SPTLC2: variants seen among roughly 807,000 people sequenced by gnomAD.
The protein encoded by SPTLC2 is serine palmitoyltransferase 2.
A neutral mutation model predicts 62.0 loss-of-function variants in SPTLC2; 21 were observed. The observed-to-expected ratio is 0.34, with a 90% CI of 0.24 to 0.49. SPTLC2 has a LOEUF of 0.49. SPTLC2 is among the 20% of genes least tolerant of loss of function. SPTLC2 has a pLI of 0.99. For missense variants in SPTLC2, 511 were observed against 713.0 expected, an observed-to-expected ratio of 0.72 and a Z score of 3.23; for synonymous variants, 261 against 261.8, an observed-to-expected ratio of 1.00 and a Z score of 0.03.
At chr14:77,568,600 A>C (rs1475871149) in intron 5 of SPTLC2, among the ~76,000 whole-genome samples, 1 of 152,014 alleles carries the variant, frequency 6.6e-6, no homozygotes, top group Non-Finnish European at 1.5e-5. Flanking sequence ...TGAGGTCAGG[A>C]GATCAAGACC....
chr14:77,612,266 C>T lies in SPTLC2; in HGVS notation c.132+4182G>A, dbSNP rs370838820. ...AACCAATTAACTGTCTTGCTCAAAG[C>T]GGTGCAAATTTCTATGGCACATGGG... On this transcript the variant is annotated intron_variant, in intron 1 of 11. Coordinates refer to ENST00000216484, the MANE Select transcript of SPTLC2 (RefSeq NM_004863.4). Among the ~76,000 whole-genome samples the T allele has an allele frequency of 5.3e-5, 8 of 152,212 alleles. No homozygotes were observed. In the East Asian group the frequency reaches 5.8e-4, roughly 11 times the overall value.
chr14:77,578,613 G>C lies in SPTLC2; in HGVS notation c.482+342C>G, dbSNP rs576426686. ...TGCATGCCTGTAGTCCCAGCTACTC[G>C]GGAGGCTGAGGCATGAGAATTGCTT... On this transcript the variant is annotated intron_variant, in intron 3 of 11. Transcript: ENST00000216484. Among the ~76,000 whole-genome samples the C allele has an allele frequency of 3.3e-5, 5 of 151,994 alleles. No individual in the cohort carries two copies. The South Asian group carries it at 1.0e-3, about 32-fold the overall frequency.
intron 9 of SPTLC2, among the ~76,000 whole-genome samples, chr14:77,549,073 G>A (rs921350370): frequency 5.9e-5 from 9 of 152,152 alleles, no homozygotes; most frequent in Non-Finnish European, 8.8e-5. Context: ...CCCCAATGAC[G>A]GAGGTAGGGC....
chr14:77,546,049 C>A (rs2079526540), intron 9 of SPTLC2, among the ~76,000 whole-genome samples: 1 of 152,142 alleles, frequency 6.6e-6, no homozygotes, highest in Admixed American at 6.5e-5. Flanking sequence ...TGATTACTCA[C>A]AATTAAACTT....
intron 3 of SPTLC2, 25 bp from the exon 4 acceptor site, chr14:77,576,940 T>C: frequency 6.2e-7 from 1 of 1,613,762 alleles, no homozygotes; most frequent in Non-Finnish European, 8.5e-7. Context: ...CATAAAACAA[T>C]GAAACTCATG....
chr14:77,564,579 T>C (rs993588892), intron 5 of SPTLC2, among the ~76,000 whole-genome samples: 5 of 151,866 alleles, frequency 3.3e-5, no homozygotes, highest in Non-Finnish European at 5.9e-5. Flanking sequence ...TTTCTAAATA[T>C]CATTCTCCAA....
chr14:77,550,016 A>G (rs187653003), intron 9 of SPTLC2, among the ~76,000 whole-genome samples: 1 of 152,194 alleles, frequency 6.6e-6, no homozygotes, highest in East Asian at 1.9e-4. Context: ...GTATGTATAT[A>G]TATGTGTGTA....
At position 77,509,371 on chromosome 14, in the gene SPTLC2, TCTC is replaced by T. The variant is rs145606197; in HGVS notation, c.*2910_*2912del. The stretch of plus-strand genomic sequence containing the variant: ...CCACTCCTCATATGGGCTTTTGACA[TCTC>T]CTAGCTATGCATTTCCTGGCTTCTG... On this transcript the variant is annotated 3_prime_UTR_variant, in exon 12 of 12. Coordinates refer to ENST00000216484, the MANE Select transcript of SPTLC2 (RefSeq NM_004863.4). 0.067 allele frequency: 10,228 copies of T among 152,118 alleles called. 517 individuals are homozygous for T. The highest frequency in any genetic ancestry group is 0.16 in the Admixed American group (2,380 of 15,246). The allele number at this position is 152,118 out of a possible 1,614,324, so 9.4% of individuals were successfully genotyped here. A position where few individuals can be genotyped will look rare whatever the true frequency, so the allele number is the denominator to read the frequency against.
chr14:77,576,727 T>C (rs1319537532), intron 4 of SPTLC2, 40 bp downstream of exon 4: 3 of 1,614,100 alleles, frequency 1.9e-6, no homozygotes, highest in East Asian at 4.5e-5. Context: ...ACTAAAACAA[T>C]GTCAAAAACA....
chr14:77,515,869 T>C (rs912543489), intron 11 of SPTLC2, among the ~76,000 whole-genome samples: 11 of 152,206 alleles, frequency 7.2e-5, no homozygotes, highest in African/African-American at 2.7e-4. Flanking sequence ...TTTTCTTCTT[T>C]TGAAAATTGT....
At position 77,613,604 on chromosome 14, in the gene SPTLC2, C is replaced by A. The variant is rs192288872; in HGVS notation, c.132+2844G>T. 2.2e-3 allele frequency among the ~76,000 whole-genome samples: 329 copies of A among 152,312 alleles called. 2 individuals are homozygous for A. The highest frequency in any genetic ancestry group is 7.6e-3 in the African/African-American group (317 of 41,568). On this transcript the variant is annotated intron_variant, in intron 1 of 11. Coordinates refer to ENST00000216484, the MANE Select transcript of SPTLC2 (RefSeq NM_004863.4). ...TCATCTCTTCAAGCACAGAAACATA[C>A]TCTTGAGAGTGTAAAGTGATCCTAG... is the stretch of plus-strand genomic sequence containing the variant.
At chr14:77,592,517 G>GT in intron 2 of SPTLC2, among the ~76,000 whole-genome samples, 1 of 152,196 alleles carries the variant, frequency 6.6e-6, no homozygotes, top group East Asian at 1.9e-4. Flanking sequence ...TCTTTCTTTT[G>GT]TATCTTGAAA....
chr14:77,533,321 G>T (rs1012838113), intron 9 of SPTLC2, among the ~76,000 whole-genome samples: 1 of 134,166 alleles, frequency 7.5e-6, no homozygotes, highest in Non-Finnish European at 1.6e-5. Flanking sequence ...AAAAAAAAAA[G>T]TAACTGTCTC....
chr14:77,560,456 A>T (rs887193252), intron 6 of SPTLC2, among the ~76,000 whole-genome samples: 1 of 151,688 alleles, frequency 6.6e-6, no homozygotes, highest in African/African-American at 2.4e-5. Context: ...AAAAACAAAA[A>T]ACAAAAAACT....
intron 11 of SPTLC2, among the ~76,000 whole-genome samples, chr14:77,513,016 C>CTTTTTTTTTTTTTTTTTTTT (rs1190713237): frequency 6.4e-5 from 4 of 62,822 alleles, no homozygotes; most frequent in Non-Finnish European, 8.1e-5. Flanking sequence ...AACCCAGCAA[C>CTTTTTTTTTTTTTTTTTTTT]TTTTTTTTTT....
At chr14:77,550,218 C>G (rs2140015946) in intron 9 of SPTLC2, among the ~76,000 whole-genome samples, 1 of 152,348 alleles carries the variant, frequency 6.6e-6, no homozygotes, top group East Asian at 1.9e-4. Flanking sequence ...CCAAAAATCT[C>G]TCATTAGAGA....
At chr14:77,596,891 C>A (rs2079850388) in intron 2 of SPTLC2, among the ~76,000 whole-genome samples, 1 of 152,196 alleles carries the variant, frequency 6.6e-6, no homozygotes, top group Non-Finnish European at 1.5e-5. Flanking sequence ...GCTCTGACAC[C>A]TGGCATCTTG....
At chr14:77,601,838 T>C (rs1376934233) in intron 1 of SPTLC2, among the ~76,000 whole-genome samples, 1 of 152,214 alleles carries the variant, frequency 6.6e-6, no homozygotes, top group Non-Finnish European at 1.5e-5. Flanking sequence ...ATTCCTTTCA[T>C]TTTCTGATAG....
chr14:77,603,713 A>G (rs945321410), intron 1 of SPTLC2, among the ~76,000 whole-genome samples: 2 of 152,180 alleles, frequency 1.3e-5, no homozygotes, highest in Admixed American at 6.5e-5. Context: ...TTTGCTATTG[A>G]AAACCCCCAA....
Sources: allele counts gnomAD v4.1 joint callset (sites outside exome capture counted in the v4.1 genomes callset), GRCh38; gene constraint gnomAD v4.1.1; transcripts MANE v1.5; gene names NCBI Gene and HGNC (gene_info 2026-07-23, HGNC 2026-07-21).